PCDHGA7: variants seen among roughly 807,000 people sequenced by gnomAD.
PCDHGA7 encodes protocadherin gamma subfamily A, 7, also known as protocadherin gamma-A7.
Under a neutral mutation model 58.3 loss-of-function variants are expected in PCDHGA7, and 44 were observed. The observed-to-expected ratio is 0.75, with a 90% CI of 0.59 to 0.97. PCDHGA7 has a LOEUF of 0.97. Ranked by LOEUF, PCDHGA7 falls within the 50% of genes least tolerant of loss-of-function variation. The pLI, the probability that PCDHGA7 is intolerant of heterozygous loss-of-function variation, is 0.00. For synonymous variants in PCDHGA7, 516 were observed against 504.2 expected, an observed-to-expected ratio of 1.02 and a Z score of -0.31; for missense variants, 1,266 against 1,188.7, an observed-to-expected ratio of 1.06 and a Z score of -0.96.
intron 1 of PCDHGA7, chr5:141,400,651 C>G (rs2094056317): frequency 8.6e-7 from 1 of 1,166,874 alleles, no homozygotes; most frequent in African/African-American, 1.5e-5. Flanking sequence ...GAAAGCTGTC[C>G]TACCATTCTT....
intron 1 of PCDHGA7, chr5:141,413,232 G>A (rs374674787): frequency 1.1e-4 from 170 of 1,613,834 alleles, no homozygotes; most frequent in Non-Finnish European, 1.4e-4. Context: ...GGCTGGTCCT[G>A]CTCTGCCTTT....
Position 141,487,399 on chromosome 5 carries a change from G to A in PCDHGA7, c.2425-7408G>A. 1.2e-6 allele frequency: 2 copies of A among 1,614,140 alleles called. No homozygotes were observed. Among genetic ancestry groups the A allele is most frequent in the South Asian group, 1.1e-5 (1 of 91,088 alleles). On this transcript the variant is annotated intron_variant, in intron 1 of 3. Coordinates refer to ENST00000518325, the MANE Select transcript of PCDHGA7 (RefSeq NM_018920.4). The surrounding 1 kb of genome is among the most constrained non-coding windows in gnomAD (Gnocchi z 5.0). ...TCACCAGATCTCGAAGGAGGGAGGGGCTTCCCCCTTCCAATGGGATCCTCC... is the reference window on the plus strand; with the variant it reads ...TCACCAGATCTCGAAGGAGGGAGGGACTTCCCCCTTCCAATGGGATCCTCC...
At position 141,486,427 on chromosome 5, in the gene PCDHGA7, A is replaced by T. The variant is rs775958317; in HGVS notation, c.2425-8380A>T. ...CTGGACCCTTGGATCGAGAGGCCAAATCTAGCTATGACATCATGGTCACTG... is the reference window on the plus strand; with the variant it reads ...CTGGACCCTTGGATCGAGAGGCCAATTCTAGCTATGACATCATGGTCACTG... On this transcript the variant is annotated intron_variant, in intron 1 of 3. Transcript: ENST00000518325. The surrounding 1 kb of genome is among the most constrained non-coding windows in gnomAD (Gnocchi z 5.0). 17 of 1,614,042 alleles carry T rather than the reference A, an allele frequency of 1.1e-5. No homozygotes were observed. The Admixed American group carries it at 2.8e-4, about 27-fold the overall frequency.
At chr5:141,407,980 C>T in intron 1 of PCDHGA7, 1 of 760,358 alleles carries the variant, frequency 1.3e-6, no homozygotes, top group Non-Finnish European at 2.0e-6. Context: ...CGCCGGGGAT[C>T]CGTCAGCCTC....
chr5:141,415,579 A>G, intron 1 of PCDHGA7: 1 of 1,614,072 alleles, frequency 6.2e-7, no homozygotes, highest in East Asian at 2.2e-5. Flanking sequence ...AGATGATTCG[A>G]AGTTTCCTAT....
intron 1 of PCDHGA7, chr5:141,428,120 C>T (rs756805763): frequency 3.7e-6 from 6 of 1,606,528 alleles, no homozygotes; most frequent in East Asian, 4.5e-5. Flanking sequence ...CCATCGAGCC[C>T]GGGCTTTTCA....
chr5:141,404,079 C>G lies in PCDHGA7; in HGVS notation c.2424+18756C>G, dbSNP rs768434673. On this transcript the variant is annotated intron_variant, in intron 1 of 3. Transcript: ENST00000518325. ...CTTTTCAATGCTCATGACCGAGACT[C>G]CGGGAAGAATGGTCAAGTTGTCTGT... 3.1e-6 allele frequency: 5 copies of G among 1,613,568 alleles called. No homozygotes were observed. In the East Asian group the frequency reaches 1.1e-4, roughly 36 times the overall value.
At chr5:141,404,110 C>G (rs1283800962) in intron 1 of PCDHGA7, 1 of 1,613,336 alleles carries the variant, frequency 6.2e-7, no homozygotes, top group South Asian at 1.1e-5. Context: ...TCTGTTCTAT[C>G]CAGGAGAATC....
chr5:141,413,824 A>C, intron 1 of PCDHGA7: 1 of 1,613,112 alleles, frequency 6.2e-7, no homozygotes, highest in South Asian at 1.1e-5. Flanking sequence ...CCTGGTCCTC[A>C]CCGCCTCCGA....
At chr5:141,394,507 C>T in intron 1 of PCDHGA7, 1 of 1,614,214 alleles carries the variant, frequency 6.2e-7, no homozygotes, top group South Asian at 1.1e-5. Flanking sequence ...ATCCTGTACC[C>T]CGCCCTCCCC....
intron 1 of PCDHGA7, chr5:141,403,099 C>T (rs762392585): frequency 2.5e-6 from 4 of 1,613,938 alleles, no homozygotes; most frequent in Non-Finnish European, 2.5e-6. Flanking sequence ...GCAACATCTC[C>T]AAGGACCTGG....
chr5:141,431,022 G>A lies in PCDHGA7; in HGVS notation c.2424+45699G>A. ...CGCAGCGGCAGCTTGGTCACGGCGG[G>A]CAGGATAGACCGGGAGGAGCTCTGT... On this transcript the variant is annotated intron_variant, in intron 1 of 3. Transcript: ENST00000518325. This position sits in a 1 kb window ranked among gnomAD's most constrained non-coding sequence, Gnocchi z 4.8. 1 of 1,614,078 alleles carries A rather than the reference G, an allele frequency of 6.2e-7. No individual in the cohort carries two copies. Among genetic ancestry groups the A allele is most frequent in the African/African-American group, 1.3e-5 (1 of 75,074 alleles).
At chr5:141,509,376 C>A (rs2099876528) in intron 3 of PCDHGA7, among the ~76,000 whole-genome samples, 1 of 152,122 alleles carries the variant, frequency 6.6e-6, no homozygotes, top group African/African-American at 2.4e-5. Flanking sequence ...TTAACTGTCT[C>A]CTAACCACAG....
intron 1 of PCDHGA7, chr5:141,394,067 C>T (rs773390718): frequency 1.9e-6 from 3 of 1,613,794 alleles, no homozygotes; most frequent in Admixed American, 3.3e-5. Flanking sequence ...TCTCTATCTA[C>T]AATATCACAG....
At chr5:141,452,354 G>C (rs2154563893) in intron 1 of PCDHGA7, among the ~76,000 whole-genome samples, 1 of 152,240 alleles carries the variant, frequency 6.6e-6, no homozygotes, top group Non-Finnish European at 1.5e-5. Flanking sequence ...TTATCCAAAA[G>C]CCTTGCTTCA....
chr5:141,441,517 G>A (rs1316654534), intron 1 of PCDHGA7: 1 of 172,138 alleles, frequency 5.8e-6, no homozygotes, highest in South Asian at 1.3e-4. Flanking sequence ...CGTCGTCCAC[G>A]TGGCCAAGAA....
chr5:141,398,175 G>C, intron 1 of PCDHGA7: 1 of 1,475,074 alleles, frequency 6.8e-7, no homozygotes, highest in Non-Finnish European at 9.0e-7. Flanking sequence ...GGCTGCCAGT[G>C]CTCTTTCTCT....
chr5:141,419,414 GCCTTCGACCACGAGCAGCTGCGCA>G, intron 1 of PCDHGA7: 1 of 1,613,428 alleles, frequency 6.2e-7, no homozygotes, highest in South Asian at 1.1e-5. Context: ...CGCGCAGCGC[GCCTTCGACCACGAGCAGCTGCGCA>G]CCTTCGAGCT....
chr5:141,503,367 C>T (rs1038565489), intron 2 of PCDHGA7, among the ~76,000 whole-genome samples: 5 of 151,908 alleles, frequency 3.3e-5, no homozygotes, highest in African/African-American at 9.7e-5. Flanking sequence ...GAAGCGGAGG[C>T]AGGTGGATCA....
Sources: allele counts gnomAD v4.1 joint callset (sites outside exome capture counted in the v4.1 genomes callset), GRCh38; gene constraint gnomAD v4.1.1; non-coding constraint Gnocchi (gnomAD v3.1); transcripts MANE v1.5; gene names NCBI Gene and HGNC (gene_info 2026-07-23, HGNC 2026-07-21).